Variants in THSD7A observed in about 807,000 individuals in gnomAD.
THSD7A encodes the protein thrombospondin type-1 domain-containing protein 7A.
THSD7A carries 96 observed loss-of-function variants against 231.3 expected under a neutral mutation model. The ratio of observed to expected loss-of-function variants is 0.41; its 90% confidence interval spans 0.35 to 0.49. The LOEUF (loss-of-function observed/expected upper bound fraction) is 0.49. THSD7A is among the 20% of genes least tolerant of loss of function. The pLI, the probability that THSD7A is intolerant of heterozygous loss-of-function variation, is 0.05. For synonymous variants in THSD7A, 940 were observed against 743.3 expected (o/e 1.26, Z -4.30); for missense variants, 2,290 against 2,070.2 (o/e 1.11, Z -2.06).
chr7:11,384,342 C>T (rs868313311), intron 23 of THSD7A: 1 of 150,748 alleles, frequency 6.6e-6, no homozygotes, highest in Non-Finnish European at 1.5e-5. Flanking sequence ...TGTCCTGTAA[C>T]CTTCTACTGT....
At chr7:11,506,765 T>C (rs531011505) in intron 6 of THSD7A, among the ~76,000 whole-genome samples, 2 of 152,334 alleles carry the variant, frequency 1.3e-5, no homozygotes, top group South Asian at 4.1e-4. Flanking sequence ...ATTTGCTTAT[T>C]CTGGGAATTC....
chr7:11,509,245 T>A (rs1019370292), intron 6 of THSD7A, among the ~76,000 whole-genome samples: 6 of 152,210 alleles, frequency 3.9e-5, no homozygotes, highest in African/African-American at 1.4e-4. Context: ...GATATGGACA[T>A]GTTTTGGTTT....
intron 4 of THSD7A, among the ~76,000 whole-genome samples, chr7:11,588,635 T>C (rs1347345580): frequency 1.3e-5 from 2 of 152,008 alleles, no homozygotes; most frequent in Non-Finnish European, 2.9e-5. Flanking sequence ...TAAAAGAAAA[T>C]GCTTTAAAAA....
chr7:11,553,873 T>C (rs1789732629), intron 4 of THSD7A, among the ~76,000 whole-genome samples: 1 of 151,916 alleles, frequency 6.6e-6, no homozygotes, highest in Non-Finnish European at 1.5e-5. Context: ...TCTCAACACT[T>C]CTTTTTCTAT....
intron 1 of THSD7A, among the ~76,000 whole-genome samples, chr7:11,706,118 G>C (rs779517935): frequency 8.0e-5 from 12 of 150,834 alleles, no homozygotes; most frequent in Non-Finnish European, 1.6e-4. Flanking sequence ...CAGAAAGTTT[G>C]CTATTCCATG....
In THSD7A at chr7:11,821,148, A is replaced by C. The variant is rs1784861746; in HGVS notation, c.190+10609T>G. The C allele has an allele frequency of 2.7e-6, 3 of 1,112,196 alleles. No individual in the cohort carries two copies. The South Asian group carries it at 3.8e-5, about 14-fold the overall frequency. 68.9% of individuals were successfully genotyped at this position (1,112,196 alleles called of 1,614,324 possible). A position where few individuals can be genotyped will look rare whatever the true frequency, so the allele number is the denominator to read the frequency against. ...CAGTTCCTCTATTTAGGTATTTAGT[A>C]AAGTGTTTATGTAATGTCATTCCTG... On this transcript the variant is annotated intron_variant, in intron 1 of 27. Transcript: ENST00000423059.
intron 23 of THSD7A, among the ~76,000 whole-genome samples, chr7:11,394,923 A>G (rs1185908119): frequency 6.6e-6 from 1 of 152,218 alleles, no homozygotes; most frequent in East Asian, 1.9e-4. Context: ...TGGTCAAAAT[A>G]ACCAGCTAGG....
intron 1 of THSD7A, among the ~76,000 whole-genome samples, chr7:11,830,120 A>G (rs1305741047): frequency 1.3e-5 from 2 of 152,228 alleles, no homozygotes; most frequent in Non-Finnish European, 2.9e-5. Context: ...AGGTCTCCAT[A>G]TCATTGTTTC....
At chr7:11,612,781 T>G (rs538716365) in intron 2 of THSD7A, among the ~76,000 whole-genome samples, 5 of 152,316 alleles carry the variant, frequency 3.3e-5, no homozygotes, top group African/African-American at 1.2e-4. Context: ...TATAGATATA[T>G]TTTTAAAACT....
intron 9 of THSD7A, among the ~76,000 whole-genome samples, chr7:11,466,730 C>T (rs1020738641): frequency 6.6e-6 from 1 of 152,062 alleles, no homozygotes; most frequent in African/African-American, 2.4e-5. Context: ...ACTGCTCTGC[C>T]GCTTAGAGAG....
chr7:11,556,888 C>G (rs1562715986), intron 4 of THSD7A, among the ~76,000 whole-genome samples: 5 of 151,932 alleles, frequency 3.3e-5, no homozygotes, highest in Admixed American at 1.3e-4. Flanking sequence ...CTTTCAAATA[C>G]TTTTATCTTT....
chr7:11,761,987 C>A (rs1018849383), intron 1 of THSD7A, among the ~76,000 whole-genome samples: 2 of 152,220 alleles, frequency 1.3e-5, no homozygotes, highest in African/African-American at 4.8e-5. Flanking sequence ...CCACTTATAA[C>A]TGAGAACATG....
chr7:11,557,183 C>T (rs538940297), intron 4 of THSD7A, among the ~76,000 whole-genome samples: 3 of 151,852 alleles, frequency 2.0e-5, no homozygotes, highest in South Asian at 2.1e-4. Flanking sequence ...CTGTGTTGTT[C>T]GGATTAGGTA....
At chr7:11,803,994 A>G (rs2128182297) in intron 1 of THSD7A, among the ~76,000 whole-genome samples, 1 of 152,274 alleles carries the variant, frequency 6.6e-6, no homozygotes, top group African/African-American at 2.4e-5. Context: ...TGTATTTTGA[A>G]TTATCATAAG....
At chr7:11,663,038 TAGAA>T (rs913622512) in intron 1 of THSD7A, among the ~76,000 whole-genome samples, 6 of 150,432 alleles carry the variant, frequency 4.0e-5, no homozygotes, top group Admixed American at 2.0e-4. Context: ...CCAAAGAAAA[TAGAA>T]AGAGAGAAAT....
intron 1 of THSD7A, among the ~76,000 whole-genome samples, chr7:11,748,286 G>A (rs1375842636): frequency 6.6e-6 from 1 of 151,858 alleles, no homozygotes; most frequent in African/African-American, 2.4e-5. Context: ...TTCTCTTTGG[G>A]CAAAGCTTGG....
rs1782020780 is a variant in THSD7A, at chr7:11,370,753, T to A, written c.*5041A>T. ...GTTAAATTAACATAAAATACACATT[T>A]AGGGAATAATAATTTATAGAAAGAC... On this transcript the variant is annotated 3_prime_UTR_variant, in exon 28 of 28. Coordinates refer to ENST00000423059, the MANE Select transcript of THSD7A (RefSeq NM_015204.3). 1 of 152,140 alleles carries A rather than the reference T, an allele frequency of 6.6e-6. No homozygotes were observed. Among genetic ancestry groups the A allele is most frequent in the African/African-American group, 2.4e-5 (1 of 41,444 alleles). The allele number at this position is 152,140 out of a possible 1,614,324, so 9.4% of individuals were successfully genotyped here.
intron 1 of THSD7A, among the ~76,000 whole-genome samples, chr7:11,698,081 G>T (rs1427654716): frequency 1.3e-5 from 2 of 151,356 alleles, no homozygotes; most frequent in Non-Finnish European, 3.0e-5. Flanking sequence ...TTGTGGATCT[G>T]CTGGCATGTC....
chr7:11,424,836 C>T lies in THSD7A; in HGVS notation c.3250-7G>A. On this transcript the variant is annotated splice_region_variant and splice_polypyrimidine_tract_variant and intron_variant, in intron 15 of 27. Coordinates refer to ENST00000423059, the MANE Select transcript of THSD7A (RefSeq NM_015204.3). ...ATGGGACAACCTCATACACCTGAAA[C>T]ACACATGGTTCTCAGCAATCTCAGG... is the stretch of plus-strand genomic sequence containing the variant. 2 of 1,613,864 alleles carry T rather than the reference C, an allele frequency of 1.2e-6. No individual in the cohort carries two copies. The highest frequency in any genetic ancestry group is 1.7e-6 in the Non-Finnish European group (2 of 1,179,828).
Sources: allele counts gnomAD v4.1 joint callset (sites outside exome capture counted in the v4.1 genomes callset), GRCh38; gene constraint gnomAD v4.1.1; transcripts MANE v1.5; gene names NCBI Gene and HGNC (gene_info 2026-07-23, HGNC 2026-07-21).